ANGPT1: variants seen among roughly 807,000 people sequenced by gnomAD.
The protein encoded by ANGPT1 is angiopoietin-1.
ANGPT1 carries 17 observed loss-of-function variants against 62.2 expected under a neutral mutation model. That is an observed-to-expected ratio of 0.27 (90% CI 0.19 to 0.41). The LOEUF (loss-of-function observed/expected upper bound fraction) is 0.41. Among genes scored for constraint, ANGPT1 ranks in the 10% least tolerant of loss-of-function variants. The pLI is 1.00. For missense variants in ANGPT1, 478 were observed against 594.9 expected (o/e 0.80, Z 2.04); for synonymous variants, 199 against 198.9 (o/e 1.00, Z 0.00).
chr8:107,279,427 A>C (rs772651361), intron 7 of ANGPT1, among the ~76,000 whole-genome samples: 37 of 152,268 alleles, frequency 2.4e-4, no homozygotes, highest in Admixed American at 7.8e-4. Flanking sequence ...TATATCTTAG[A>C]GTATGTGTTT....
At chr8:107,354,586 C>T (rs1241068807) in intron 1 of ANGPT1, among the ~76,000 whole-genome samples, 1 of 152,026 alleles carries the variant, frequency 6.6e-6, no homozygotes, top group Non-Finnish European at 1.5e-5. Context: ...ATGTATATAT[C>T]TATAAAATAT....
chr8:107,291,276 C>T (rs1393219169), intron 6 of ANGPT1, among the ~76,000 whole-genome samples: 5 of 152,118 alleles, frequency 3.3e-5, no homozygotes, highest in Admixed American at 6.5e-5. Flanking sequence ...TACTTCTAAT[C>T]CTTGAAACAT....
rs1430906699 is a variant in ANGPT1 at position 107,493,844 on chromosome 8, A to G, written c.297+3418T>C. 5.3e-5 allele frequency among the ~76,000 whole-genome samples: 8 copies of G among 150,568 alleles called. 1 individual carries two copies. In the East Asian group the frequency reaches 1.6e-3, roughly 30 times the overall value. On this transcript the variant is annotated intron_variant, in intron 1 of 8. Transcript: ENST00000517746. ...AATATATGGGTTTAAAAAAATCGTC[A>G]TCATCAATGTGTTTTGGGTAATAGC...
intron 3 of ANGPT1, among the ~76,000 whole-genome samples, chr8:107,335,398 T>C (rs533325825): frequency 6.6e-6 from 1 of 152,170 alleles, no homozygotes; most frequent in African/African-American, 2.4e-5. Flanking sequence ...CGAAGAAAAA[T>C]CAATGTAATG....
At chr8:107,300,006 T>C (rs1814541794) in intron 5 of ANGPT1, among the ~76,000 whole-genome samples, 1 of 141,428 alleles carries the variant, frequency 7.1e-6, no homozygotes, top group Non-Finnish European at 1.5e-5. Context: ...ACTATATATC[T>C]AGATATCTAG....
At chr8:107,487,590 A>C (rs190486362) in intron 1 of ANGPT1, among the ~76,000 whole-genome samples, 1 of 152,192 alleles carries the variant, frequency 6.6e-6, no homozygotes, top group Admixed American at 6.5e-5. Context: ...AGAGAGCTAA[A>C]GAAATTGATG....
intron 1 of ANGPT1, among the ~76,000 whole-genome samples, chr8:107,492,343 T>C (rs1563647581): frequency 6.6e-6 from 1 of 152,212 alleles, no homozygotes; most frequent in Non-Finnish European, 1.5e-5. Flanking sequence ...AATATCTACT[T>C]TATTTTTTTT....
At chr8:107,382,316 AC>A (rs1335550432) in intron 1 of ANGPT1, among the ~76,000 whole-genome samples, 3 of 152,156 alleles carry the variant, frequency 2.0e-5, no homozygotes, top group Admixed American at 2.0e-4. Flanking sequence ...AAAGTAGATT[AC>A]AAAAATGCAG....
chr8:107,471,886 G>T (rs192771490), intron 1 of ANGPT1, among the ~76,000 whole-genome samples: 1 of 151,960 alleles, frequency 6.6e-6, no homozygotes, highest in Admixed American at 6.6e-5. Flanking sequence ...TTGTGTGTTT[G>T]CTTATTTATT....
chr8:107,324,429 T>C (rs796907484), intron 3 of ANGPT1, among the ~76,000 whole-genome samples: 7 of 152,082 alleles, frequency 4.6e-5, no homozygotes, highest in East Asian at 1.9e-4. Flanking sequence ...TGTGTAAAGA[T>C]TGGAGCACTG....
intron 4 of ANGPT1, among the ~76,000 whole-genome samples, chr8:107,318,961 G>GC (rs1021940480): frequency 2.5e-4 from 38 of 152,218 alleles, no homozygotes; most frequent in Middle Eastern, 3.4e-3. Flanking sequence ...GAAAATGGAG[G>GC]CCAAAAAAGC....
intron 1 of ANGPT1, among the ~76,000 whole-genome samples, chr8:107,387,331 C>T (rs1455705232): frequency 6.6e-6 from 1 of 152,070 alleles, no homozygotes; most frequent in Non-Finnish European, 1.5e-5. Context: ...ATAGGAGTTG[C>T]TAACTTCTTC....
Position 107,446,064 on chromosome 8 carries a change from C to T in ANGPT1, c.297+51198G>A, listed in dbSNP as rs1428943223. 3.9e-5 allele frequency among the ~76,000 whole-genome samples: 6 copies of T among 152,036 alleles called. 1 individual carries two copies. Among genetic ancestry groups the T allele is most frequent in the Admixed American group, 2.6e-4 (4 of 15,260 alleles). The stretch of plus-strand genomic sequence containing the variant: ...TCCTGAGTAGCTGGGACAACAGGCA[C>T]GTGCCACCATGCCCAGTTAACTTTT... On this transcript the variant is annotated intron_variant, in intron 1 of 8. Transcript: ENST00000517746.
At chr8:107,265,576 C>G (rs1813593711) in intron 7 of ANGPT1, among the ~76,000 whole-genome samples, 1 of 152,148 alleles carries the variant, frequency 6.6e-6, no homozygotes, top group South Asian at 2.1e-4. Context: ...CTCTCTAACT[C>G]TACCTAACAC....
intron 7 of ANGPT1, among the ~76,000 whole-genome samples, chr8:107,280,296 G>A (rs977499595): frequency 2.0e-5 from 3 of 151,988 alleles, no homozygotes; most frequent in African/African-American, 7.3e-5. Context: ...CACCTCCGGG[G>A]TTCAAGTGAT....
At chr8:107,441,556 T>G (rs1811476380) in intron 1 of ANGPT1, among the ~76,000 whole-genome samples, 1 of 152,190 alleles carries the variant, frequency 6.6e-6, no homozygotes, top group South Asian at 2.1e-4. Flanking sequence ...GCTCATCAGC[T>G]CAGGAGTCGG....
At chr8:107,493,660 A>C (rs1200513642) in intron 1 of ANGPT1, among the ~76,000 whole-genome samples, 1 of 150,416 alleles carries the variant, frequency 6.6e-6, no homozygotes, top group South Asian at 2.2e-4. Flanking sequence ...TAGATAATGC[A>C]TTCATTTTTT....
intron 1 of ANGPT1, among the ~76,000 whole-genome samples, chr8:107,420,482 T>C (rs1376137189): frequency 6.6e-6 from 1 of 152,176 alleles, no homozygotes; most frequent in African/African-American, 2.4e-5. Flanking sequence ...GCAAACATTA[T>C]AGGTTAATTG....
intron 4 of ANGPT1, among the ~76,000 whole-genome samples, chr8:107,307,341 C>G (rs1299184408): frequency 1.3e-5 from 2 of 152,080 alleles, no homozygotes; most frequent in East Asian, 3.9e-4. Flanking sequence ...GGCATTCATT[C>G]ACTTTCTCAA....
Sources: allele counts gnomAD v4.1 joint callset (sites outside exome capture counted in the v4.1 genomes callset), GRCh38; gene constraint gnomAD v4.1.1; transcripts MANE v1.5; gene names NCBI Gene and HGNC (gene_info 2026-07-23, HGNC 2026-07-21).